SLCO3A1: variants seen among roughly 807,000 people sequenced by gnomAD.
SLCO3A1 encodes PGE1 transporter.
SLCO3A1 carries 27 observed loss-of-function variants against 63.1 expected under a neutral mutation model. The ratio of observed to expected loss-of-function variants is 0.43; its 90% CI spans 0.32 to 0.59. The LOEUF (loss-of-function observed/expected upper bound fraction) is 0.59, where lower values mean the gene tolerates loss of function less well. SLCO3A1 is among the 20% of genes least tolerant of loss of function. The probability of loss-of-function intolerance (pLI) is 0.09; values close to 1 mark genes in which losing one functional copy is unlikely to be tolerated. For missense variants in SLCO3A1, 773 were observed against 945.8 expected, an observed-to-expected ratio of 0.82 and a Z score of 2.40; for synonymous variants, 473 against 409.9, an observed-to-expected ratio of 1.15 and a Z score of -1.86.
At chr15:92,059,862 G>A (rs1015900392) in intron 2 of SLCO3A1, among the ~76,000 whole-genome samples, 8 of 152,118 alleles carry the variant, frequency 5.3e-5, no homozygotes, top group Admixed American at 3.9e-4. Flanking sequence ...GAAATGCGTC[G>A]TTAGGCAATT....
At chr15:92,030,531 G>C (rs1356218296) in intron 2 of SLCO3A1, among the ~76,000 whole-genome samples, 1 of 152,176 alleles carries the variant, frequency 6.6e-6, no homozygotes, top group African/African-American at 2.4e-5. Flanking sequence ...TTGAACTCTG[G>C]AAACTTAACA....
chr15:91,973,137 G>A (rs952824656), intron 2 of SLCO3A1, among the ~76,000 whole-genome samples: 13 of 152,214 alleles, frequency 8.5e-5, no homozygotes, highest in Non-Finnish European at 1.6e-4. Context: ...AAGGGCAACG[G>A]GCAGTGCCCT....
rs916825922 is a variant in SLCO3A1, at chr15:91,911,868, G to A, written c.181-4125G>A. Among the ~76,000 whole-genome samples the A allele has an allele frequency of 4.1e-4, 62 of 151,894 alleles. 1 individual carries two copies. The highest frequency in any genetic ancestry group is 1.5e-3 in the Admixed American group (23 of 15,264). On this transcript the variant is annotated intron_variant, in intron 1 of 9. Coordinates refer to ENST00000318445, the MANE Select transcript of SLCO3A1 (RefSeq NM_013272.4). ...TCTCGATCTCTTGACCTTGTGATCC[G>A]CCTGCCTCAGCCTCCCAAAGTGCTG...
intron 2 of SLCO3A1, among the ~76,000 whole-genome samples, chr15:92,068,656 G>A (rs529486758): frequency 1.7e-4 from 26 of 152,280 alleles, no homozygotes; most frequent in African/African-American, 5.8e-4. Context: ...TCATACTAAA[G>A]CAAGCCTCTG....
chr15:92,045,296 A>AT, intron 2 of SLCO3A1, among the ~76,000 whole-genome samples: 1 of 150,246 alleles, frequency 6.7e-6, no homozygotes, highest in Admixed American at 6.7e-5. Flanking sequence ...AAAAAAAAAA[A>AT]TTGTCTCTTA....
Position 92,033,685 on chromosome 15 carries a change from A to G in SLCO3A1, c.647-61196A>G, listed in dbSNP as rs2046684260. 1.3e-5 allele frequency among the ~76,000 whole-genome samples: 2 copies of G among 152,170 alleles called. No homozygotes were observed. On this transcript the variant is annotated intron_variant, in intron 2 of 9. Transcript: ENST00000318445. The surrounding 1 kb of genome is among the most constrained non-coding windows in gnomAD (Gnocchi z 4.5). ...CAGTGAGGGAGAGAGACAGTAAACA[A>G]TATAACTAAGAAGAGTAGGTGGTGG...
intron 4 of SLCO3A1, 63 bp from the exon 5 acceptor site, chr15:92,120,402 C>A: frequency 6.6e-7 from 1 of 1,525,302 alleles, no homozygotes; most frequent in Non-Finnish European, 9.0e-7. Flanking sequence ...GAGCAGGGAG[C>A]TATAAGATGG....
At chr15:92,153,027 A>C (rs1366706660) in intron 9 of SLCO3A1, among the ~76,000 whole-genome samples, 1 of 152,248 alleles carries the variant, frequency 6.6e-6, no homozygotes, top group Non-Finnish European at 1.5e-5. Flanking sequence ...AGTTGAAAGC[A>C]AAAGTGAACA....
intron 1 of SLCO3A1, among the ~76,000 whole-genome samples, chr15:91,895,863 A>C (rs988000274): frequency 1.3e-5 from 2 of 152,224 alleles, no homozygotes; most frequent in Non-Finnish European, 2.9e-5. Context: ...AATAAATGCA[A>C]ATCTTCTCTT....
chr15:92,056,576 A>G (rs1056260495), intron 2 of SLCO3A1, among the ~76,000 whole-genome samples: 2 of 152,328 alleles, frequency 1.3e-5, no homozygotes, highest in East Asian at 1.9e-4. Context: ...CCCATGTAGT[A>G]TTAGTGAGAG....
chr15:92,159,471 G>A (rs2048410317), intron 9 of SLCO3A1, among the ~76,000 whole-genome samples: 2 of 146,700 alleles, frequency 1.4e-5, no homozygotes, highest in Admixed American at 1.4e-4. Context: ...GCCACAGAAC[G>A]AAACTCTGTC....
At chr15:92,055,469 T>G (rs1271536250) in intron 2 of SLCO3A1, among the ~76,000 whole-genome samples, 1 of 152,200 alleles carries the variant, frequency 6.6e-6, no homozygotes, top group East Asian at 1.9e-4. Context: ...GATTTGTCAG[T>G]TTTTGCAAAG....
chr15:92,087,048 T>G (rs1197952533), intron 2 of SLCO3A1, among the ~76,000 whole-genome samples: 1 of 152,110 alleles, frequency 6.6e-6, no homozygotes, highest in Non-Finnish European at 1.5e-5. Flanking sequence ...TCTGTCATTT[T>G]CTAGAAGCTT....
chr15:91,920,120 G>T (rs2151382160), intron 2 of SLCO3A1, among the ~76,000 whole-genome samples: 1 of 152,262 alleles, frequency 6.6e-6, no homozygotes, highest in Non-Finnish European at 1.5e-5. Context: ...TAAAATATTT[G>T]CTGTTTTAAA....
intron 1 of SLCO3A1, among the ~76,000 whole-genome samples, chr15:91,871,349 A>G (rs751257070): frequency 5.3e-5 from 8 of 152,058 alleles, no homozygotes; most frequent in Non-Finnish European, 1.0e-4. Context: ...GGCCCTTTTA[A>G]GTGGGTTCGG....
chr15:92,160,344 G>C (rs1027943096), intron 9 of SLCO3A1, among the ~76,000 whole-genome samples: 2 of 151,972 alleles, frequency 1.3e-5, no homozygotes, highest in Non-Finnish European at 2.9e-5. Context: ...TCTATTATGC[G>C]GTTGCCATGG....
intron 1 of SLCO3A1, among the ~76,000 whole-genome samples, chr15:91,869,588 A>G (rs921386649): frequency 2.7e-5 from 4 of 150,902 alleles, no homozygotes; most frequent in African/African-American, 9.7e-5. Context: ...TCTCCCAGAT[A>G]TTTGGGAGAC....
intron 3 of SLCO3A1, among the ~76,000 whole-genome samples, chr15:92,103,315 A>G (rs2047628315): frequency 6.6e-6 from 1 of 152,174 alleles, no homozygotes. Flanking sequence ...GCTGTGCTGT[A>G]CAAGGCAGGT....
chr15:92,104,629 G>A, intron 4 of SLCO3A1, 87 bp downstream of exon 4: 10 of 1,377,910 alleles, frequency 7.3e-6, no homozygotes, highest in Non-Finnish European at 9.8e-6. Flanking sequence ...CCAGGACTGG[G>A]GTGCTTGGGG....
Sources: allele counts gnomAD v4.1 joint callset (sites outside exome capture counted in the v4.1 genomes callset), GRCh38; gene constraint gnomAD v4.1.1; non-coding constraint Gnocchi (gnomAD v3.1); transcripts MANE v1.5; gene names NCBI Gene and HGNC (gene_info 2026-07-23, HGNC 2026-07-21).